The following TMEM196 variants were observed in gnomAD, a reference collection of about 807,000 sequenced individuals.
TMEM196 encodes the protein transmembrane protein 196.
A neutral mutation model predicts 20.0 loss-of-function variants in TMEM196; 17 were observed. The observed-to-expected ratio is 0.85, with a 90% confidence interval of 0.58 to 1.27. TMEM196 has a LOEUF of 1.27. Among genes scored for constraint, TMEM196 ranks in the 50% most tolerant of loss-of-function variants. The pLI is 0.00. For synonymous variants in TMEM196, 113 were observed against 88.9 expected, an observed-to-expected ratio of 1.27 and a Z score of -1.52; for missense variants, 267 against 223.0, an observed-to-expected ratio of 1.20 and a Z score of -1.26.
intron 2 of TMEM196, among the ~76,000 whole-genome samples, chr7:19,727,710 A>G (rs73680688): frequency 0.034 from 5,197 of 152,282 alleles, 295 homozygotes; most frequent in African/African-American, 0.12. Context: ...GTTATAGAGA[A>G]AGCAGACAAT....
At chr7:19,726,436 A>G (rs1784003560) in intron 2 of TMEM196, among the ~76,000 whole-genome samples, 1 of 152,196 alleles carries the variant, frequency 6.6e-6, no homozygotes, top group African/African-American at 2.4e-5. Context: ...GTATTTCCTA[A>G]GCAAGTACTT....
At chr7:19,744,272 C>G (rs1784674321) in intron 1 of TMEM196, among the ~76,000 whole-genome samples, 1 of 152,058 alleles carries the variant, frequency 6.6e-6, no homozygotes, top group African/African-American at 2.4e-5. Flanking sequence ...TTATTCATTA[C>G]TCAGCAATTT....
intron 2 of TMEM196, 126 bp downstream of exon 2, chr7:19,729,256 G>GTT (rs11401553): frequency 0.053 from 22,890 of 430,074 alleles, 277 homozygotes; most frequent in African/African-American, 0.12. Context: ...TTATTTGTCA[G>GTT]TTTTTTTTTT....
In TMEM196 at chr7:19,724,312, C is replaced by T. The variant is rs947825437; in HGVS notation, c.501G>A (p.Pro167=). ...AIEITDLPSC[P]VVPPTPELPT... Reference sequence around the variant, plus strand: ...GTAACTCTGGTGTCGGGGGCACCACCGGGCAGCTGGGCAAGTCGGTTATTT... The same window carrying T: ...GTAACTCTGGTGTCGGGGGCACCACTGGGCAGCTGGGCAAGTCGGTTATTT... The change falls in exon 4 of 5, where the codon CCG becomes CCA. Residue 167 remains proline (P), a synonymous_variant. Transcript: ENST00000405844. 22 of 1,550,224 alleles carry T rather than the reference C, an allele frequency of 1.4e-5. No individual in the cohort carries two copies. The highest frequency in any genetic ancestry group is 2.4e-5 in the South Asian group (2 of 84,060).
chr7:19,730,256 A>C (rs1457870620), intron 1 of TMEM196, among the ~76,000 whole-genome samples: 2 of 130,406 alleles, frequency 1.5e-5, no homozygotes, highest in African/African-American at 5.6e-5. Context: ...ACTCCGTCTC[A>C]AAAAAGAAAA....
In TMEM196 at chr7:19,773,418, T is replaced by C. The variant is rs908788226; in HGVS notation, c.-722A>G. 1 of 165,088 alleles carries C rather than the reference T, an allele frequency of 6.1e-6. No individual in the cohort carries two copies. Among genetic ancestry groups the C allele is most frequent in the Non-Finnish European group, 1.5e-5 (1 of 68,452 alleles). 10.2% of individuals were successfully genotyped at this position (165,088 alleles called of 1,614,324 possible). A position where few individuals can be genotyped will look rare whatever the true frequency, so the allele number is the denominator to read the frequency against. On this transcript the variant is annotated 5_prime_UTR_variant, in exon 1 of 5. Coordinates refer to ENST00000405844, the MANE Select transcript of TMEM196 (RefSeq NM_001363562.2). Reference sequence around the variant, plus strand: ...CCTCCTTTCTCTCGAGCTGATTCTCTTTCATTGCTATGACCTCATTGGGGT... The same window carrying C: ...CCTCCTTTCTCTCGAGCTGATTCTCCTTCATTGCTATGACCTCATTGGGGT...
chr7:19,754,896 C>T (rs1785141646), intron 1 of TMEM196, among the ~76,000 whole-genome samples: 1 of 152,062 alleles, frequency 6.6e-6, no homozygotes, highest in Admixed American at 6.6e-5. Context: ...GGCATTTCTT[C>T]GGTGTCTACC....
chr7:19,767,888 A>C (rs1785702775), intron 1 of TMEM196, among the ~76,000 whole-genome samples: 1 of 152,012 alleles, frequency 6.6e-6, no homozygotes, highest in Non-Finnish European at 1.5e-5. Context: ...AATATATTTT[A>C]AAAGCTTAAA....
chr7:19,747,175 A>G (rs1784784863), intron 1 of TMEM196, among the ~76,000 whole-genome samples: 2 of 150,928 alleles, frequency 1.3e-5, no homozygotes. Flanking sequence ...GAATGGCGTG[A>G]ACCCGGGAGG....
intron 1 of TMEM196, among the ~76,000 whole-genome samples, chr7:19,760,471 C>T (rs1583456868): frequency 7.8e-6 from 1 of 128,662 alleles, no homozygotes; most frequent in East Asian, 2.7e-4. Flanking sequence ...AGCGATTTTT[C>T]TTCCTCAGTC....
chr7:19,757,141 T>C (rs975623857), intron 1 of TMEM196, among the ~76,000 whole-genome samples: 1 of 151,336 alleles, frequency 6.6e-6, no homozygotes. Flanking sequence ...TAGTGTAATA[T>C]CCCCAAAACT....
chr7:19,757,461 C>T (rs529580457), intron 1 of TMEM196, among the ~76,000 whole-genome samples: 2 of 149,546 alleles, frequency 1.3e-5, no homozygotes, highest in East Asian at 3.9e-4. Flanking sequence ...AGGCTAGTCT[C>T]GAACTCCTAA....
At chr7:19,747,026 C>T (rs1018217566) in intron 1 of TMEM196, among the ~76,000 whole-genome samples, 2 of 152,142 alleles carry the variant, frequency 1.3e-5, no homozygotes, top group Admixed American at 6.5e-5. Context: ...GAGGCCGAGG[C>T]GGGCGGATCA....
chr7:19,754,196 C>T (rs893672810), intron 1 of TMEM196, among the ~76,000 whole-genome samples: 2 of 152,118 alleles, frequency 1.3e-5, no homozygotes, highest in Non-Finnish European at 2.9e-5. Context: ...TAACAGTGTA[C>T]ACTTCATAGA....
chr7:19,722,397 C>T (rs1239514266), intron 4 of TMEM196, among the ~76,000 whole-genome samples: 1 of 152,100 alleles, frequency 6.6e-6, no homozygotes, highest in East Asian at 1.9e-4. Flanking sequence ...CCTGAGTTTC[C>T]TCTTTCTTTC....
chr7:19,724,253 A>G (rs1326083946), intron 4 of TMEM196, 27 bp downstream of exon 4: 4 of 1,547,778 alleles, frequency 2.6e-6, no homozygotes, highest in Admixed American at 3.9e-5. Flanking sequence ...ACATTACAAC[A>G]TGGTAACTCC....
At chr7:19,745,550 T>C (rs774693687) in intron 1 of TMEM196, among the ~76,000 whole-genome samples, 2 of 151,900 alleles carry the variant, frequency 1.3e-5, no homozygotes, top group African/African-American at 4.8e-5. Context: ...CAGCTGGGGA[T>C]AAAGCCTAAC....
At chr7:19,748,284 A>AAAAAAAAAAAAAC (rs1784837587) in intron 1 of TMEM196, among the ~76,000 whole-genome samples, 1 of 148,402 alleles carries the variant, frequency 6.7e-6, no homozygotes, top group African/African-American at 2.6e-5. Flanking sequence ...AAAAAAAAAA[A>AAAAAAAAAAAAAC]AAAAAAACAG....
chr7:19,769,710 C>G (rs955918316), intron 1 of TMEM196, among the ~76,000 whole-genome samples: 6 of 151,624 alleles, frequency 4.0e-5, no homozygotes, highest in African/African-American at 7.3e-5. Context: ...GGAAAAAAAA[C>G]AATACAACAA....
Sources: allele counts gnomAD v4.1 joint callset (sites outside exome capture counted in the v4.1 genomes callset), GRCh38; gene constraint gnomAD v4.1.1; transcripts MANE v1.5; gene names NCBI Gene and HGNC (gene_info 2026-07-23, HGNC 2026-07-21).